TAF8: variants seen among roughly 807,000 people sequenced by gnomAD.
TAF8 encodes the protein TATA-box binding protein associated factor 8, also known as transcription initiation factor TFIID subunit 8.
Under a neutral mutation model 36.5 loss-of-function variants are expected in TAF8, and 47 were observed. That is an observed-to-expected ratio of 1.29 (90% CI 1.02 to 1.64). TAF8 has a LOEUF of 1.64. TAF8 is among the 40% of genes most tolerant of loss of function. The pLI is 0.00. For missense variants in TAF8, 420 were observed against 407.6 expected (o/e 1.03, Z -0.26); for synonymous variants, 175 against 159.5 (o/e 1.10, Z -0.73).
chr6:42,053,553 G>A (rs374443890), intron 2 of TAF8, among the ~76,000 whole-genome samples: 4 of 137,960 alleles, frequency 2.9e-5, no homozygotes, highest in African/African-American at 8.0e-5. Flanking sequence ...CAACAAGAGC[G>A]AAACTCCGTC....
At position 42,068,566 on chromosome 6, in the gene TAF8, G is replaced by T. The variant is rs983766535; in HGVS notation, c.739G>T (p.Glu247Ter). The T allele has an allele frequency of 6.2e-7, 1 of 1,613,942 alleles. No homozygotes were observed. The highest frequency in any genetic ancestry group is 8.5e-7 in the Non-Finnish European group (1 of 1,180,022). ...MEETDSSEQD[E>*]QTDTENLALH... Reference sequence around the variant, plus strand: ...AGAGACAGATTCCTCGGAGCAGGATGAACAGACAGACACAGAGAACCTTGC... The same window carrying T: ...AGAGACAGATTCCTCGGAGCAGGATTAACAGACAGACACAGAGAACCTTGC... The change falls in exon 7 of 9, where the codon GAA becomes TAA. Residue 247 changes from glutamate to a stop codon, truncating the protein, a stop_gained. Transcript: ENST00000372977. LOFTEE classifies it high-confidence loss of function.
intron 7 of TAF8, among the ~76,000 whole-genome samples, chr6:42,070,626 C>T (rs770443303): frequency 3.3e-5 from 5 of 152,140 alleles, no homozygotes; most frequent in African/African-American, 4.8e-5. Flanking sequence ...CACAGAAAGT[C>T]GTGTGGTGTT....
chr6:42,072,865 G>A (rs1460152650), intron 7 of TAF8, among the ~76,000 whole-genome samples: 1 of 151,940 alleles, frequency 6.6e-6, no homozygotes, highest in East Asian at 2.0e-4. Context: ...TAGGACTACA[G>A]GCGCCCGCCA....
intron 5 of TAF8, among the ~76,000 whole-genome samples, chr6:42,064,322 G>A (rs148741180): frequency 0.016 from 2,446 of 151,728 alleles, 65 homozygotes; most frequent in African/African-American, 0.053. Context: ...GTGTGATCTC[G>A]GCTCACTTCA....
In TAF8 at chr6:42,079,461, T is replaced by C. The variant is rs2127466050; in HGVS notation, c.*1916T>C. ...AAACTAAATCCAAGGAAGAAAAATGTAACAACACGTGGAAGTGAACACTGG... is the reference window on the plus strand; with the variant it reads ...AAACTAAATCCAAGGAAGAAAAATGCAACAACACGTGGAAGTGAACACTGG... On this transcript the variant is annotated 3_prime_UTR_variant, in exon 9 of 9. Coordinates refer to ENST00000372977, the MANE Select transcript of TAF8 (RefSeq NM_138572.3). 1 of 985,456 alleles carries C rather than the reference T, an allele frequency of 1.0e-6. No homozygotes were observed. The highest frequency in any genetic ancestry group is 1.2e-6 in the Non-Finnish European group (1 of 829,930). The allele number at this position is 985,456 out of a possible 1,614,324, so 61.0% of individuals were successfully genotyped here.
chr6:42,059,651 G>T (rs140348255), intron 5 of TAF8, among the ~76,000 whole-genome samples: 7 of 152,314 alleles, frequency 4.6e-5, no homozygotes, highest in Non-Finnish European at 8.8e-5. Context: ...CTAGTCTCCA[G>T]GCAAGATGGA....
downstream of TAF8, chr6:42,087,248 G>A: frequency 6.0e-6 from 1 of 165,664 alleles, no homozygotes; most frequent in Non-Finnish European, 1.3e-5. Flanking sequence ...CCAAAGCCCT[G>A]CACAGTGCCT....
At chr6:42,071,921 C>A (rs1000748547) in intron 7 of TAF8, among the ~76,000 whole-genome samples, 6 of 152,282 alleles carry the variant, frequency 3.9e-5, no homozygotes, top group African/African-American at 1.4e-4. Context: ...TAAAGAGTGT[C>A]AGCAACCGCC....
chr6:42,071,601 GGCGTGAGC>G (rs1183060774), intron 7 of TAF8: 1 of 151,972 alleles, frequency 6.6e-6, no homozygotes, highest in Non-Finnish European at 1.5e-5. Flanking sequence ...TGGGATTACA[GGCGTGAGC>G]CACCACACCC....
intron 6 of TAF8, among the ~76,000 whole-genome samples, chr6:42,067,965 A>T (rs1765424351): frequency 6.6e-6 from 1 of 152,224 alleles, no homozygotes; most frequent in Non-Finnish European, 1.5e-5. Context: ...CTTACAGCTC[A>T]GTGGACATGC....
downstream of TAF8, chr6:42,086,927 T>C (rs1766038376): frequency 1.5e-6 from 1 of 679,548 alleles, no homozygotes; most frequent in South Asian, 1.8e-5. Flanking sequence ...GGCGCAGCCA[T>C]CGGGAAGGTC....
chr6:42,075,402 T>C (rs1299727124), intron 7 of TAF8, among the ~76,000 whole-genome samples: 1 of 152,192 alleles, frequency 6.6e-6, no homozygotes, highest in Non-Finnish European at 1.5e-5. Flanking sequence ...CCAATGGAAC[T>C]GTGTCTTTGA....
chr6:42,072,729 G>T (rs990101619), intron 7 of TAF8, among the ~76,000 whole-genome samples: 14 of 143,514 alleles, frequency 9.8e-5, no homozygotes, highest in Non-Finnish European at 1.7e-4. Flanking sequence ...TTTTTTGTTT[G>T]TTTTTTTTTT....
At chr6:42,075,926 G>A (rs1436848883) in intron 7 of TAF8, among the ~76,000 whole-genome samples, 1 of 152,118 alleles carries the variant, frequency 6.6e-6, no homozygotes, top group Non-Finnish European at 1.5e-5. Context: ...GAACAGTAAA[G>A]CGGCCGGGCG....
In TAF8 at chr6:42,056,141, G is replaced by A. The variant is rs1048480387; in HGVS notation, c.364+127G>A. 6 of 675,464 alleles carry A rather than the reference G, an allele frequency of 8.9e-6. No individual in the cohort carries two copies. In the East Asian group the frequency reaches 1.7e-4, roughly 19 times the overall value. 41.8% of individuals were successfully genotyped at this position (675,464 alleles called of 1,614,324 possible). ...TTGTGGGCTCTCTTCCAATGTTTGGGGCTACCTACAATATAATCTTTATTT... is the reference window on the plus strand; with the variant it reads ...TTGTGGGCTCTCTTCCAATGTTTGGAGCTACCTACAATATAATCTTTATTT... On this transcript the variant is annotated intron_variant, in intron 4 of 8. Coordinates refer to ENST00000372977, the MANE Select transcript of TAF8 (RefSeq NM_138572.3).
At chr6:42,073,981 A>G (rs895661205) in intron 7 of TAF8, among the ~76,000 whole-genome samples, 2 of 152,110 alleles carry the variant, frequency 1.3e-5, no homozygotes, top group Non-Finnish European at 2.9e-5. Context: ...CAGATTGGGT[A>G]TGGGATGTCA....
At chr6:42,086,819 A>G (rs1209097765), downstream of TAF8, 1 of 1,442,606 alleles carries the variant, frequency 6.9e-7, no homozygotes, top group African/African-American at 1.4e-5. Flanking sequence ...GTCAAGAAAG[A>G]CACACACGGA....
intron 6 of TAF8, 86 bp from the exon 7 acceptor site, chr6:42,068,379 A>T: frequency 6.8e-7 from 1 of 1,467,374 alleles, no homozygotes; most frequent in African/African-American, 1.4e-5. Context: ...GGTGCTGCTC[A>T]CTGATTTGTT....
At chr6:42,069,080 C>T (rs953717618) in intron 7 of TAF8, among the ~76,000 whole-genome samples, 7 of 152,020 alleles carry the variant, frequency 4.6e-5, no homozygotes, top group Admixed American at 3.9e-4. Context: ...AGGAGCTCCC[C>T]TGTTGTATTG....
Sources: allele counts gnomAD v4.1 joint callset (sites outside exome capture counted in the v4.1 genomes callset), GRCh38; gene constraint gnomAD v4.1.1; transcripts MANE v1.5; gene names NCBI Gene and HGNC (gene_info 2026-07-23, HGNC 2026-07-21).